Variants in PDE1C observed in about 807,000 individuals in gnomAD.
PDE1C encodes the protein phosphodiesterase 1C.
In PDE1C, 62 loss-of-function variants were observed where a neutral mutation model predicts 93.1. The observed-to-expected ratio is 0.67, with a 90% CI of 0.54 to 0.82. The LOEUF (loss-of-function observed/expected upper bound fraction) is 0.82. PDE1C is among the 40% of genes least tolerant of loss of function. PDE1C has a pLI of 0.00. For missense variants in PDE1C, 742 were observed against 884.6 expected, an observed-to-expected ratio of 0.84 and a Z score of 2.04; for synonymous variants, 325 against 310.1, an observed-to-expected ratio of 1.05 and a Z score of -0.50.
chr7:32,225,537 T>C (rs1807195479), intron 1 of PDE1C, among the ~76,000 whole-genome samples: 2 of 152,104 alleles, frequency 1.3e-5, no homozygotes, highest in Admixed American at 1.3e-4. Flanking sequence ...CTTGTAGGGG[T>C]TCTTGTGTTA....
chr7:31,914,838 T>C (rs1801677023), intron 2 of PDE1C, among the ~76,000 whole-genome samples: 1 of 152,160 alleles, frequency 6.6e-6, no homozygotes. Context: ...CCAGTTTAAT[T>C]ATGAAGGGCA....
intron 2 of PDE1C, among the ~76,000 whole-genome samples, chr7:31,912,532 A>C (rs530366351): frequency 6.6e-6 from 1 of 152,154 alleles, no homozygotes; most frequent in African/African-American, 2.4e-5. Context: ...GAAAAAATAC[A>C]AAAAATGAGC....
chr7:32,389,407 G>C (rs1339887309), intron 1 of PDE1C, among the ~76,000 whole-genome samples: 1 of 152,176 alleles, frequency 6.6e-6, no homozygotes, highest in African/African-American at 2.4e-5. Flanking sequence ...AGTAGAGACG[G>C]GGTTTCACCA....
chr7:32,136,243 T>C (rs564375045), intron 3 of PDE1C, among the ~76,000 whole-genome samples: 1 of 152,296 alleles, frequency 6.6e-6, no homozygotes, highest in African/African-American at 2.4e-5. Flanking sequence ...ACGGTAATCA[T>C]TGCACAGTGT....
chr7:32,406,029 T>G (rs1785044506), intron 1 of PDE1C, among the ~76,000 whole-genome samples: 1 of 152,132 alleles, frequency 6.6e-6, no homozygotes, highest in Admixed American at 6.5e-5. Flanking sequence ...CTTGGTAAAC[T>G]CAACAGCCCC....
At chr7:32,276,807 AC>A (rs1205941298) in intron 1 of PDE1C, among the ~76,000 whole-genome samples, 2 of 152,224 alleles carry the variant, frequency 1.3e-5, no homozygotes, top group Admixed American at 6.5e-5. Flanking sequence ...TACTATGATC[AC>A]TACTACCACC....
intron 1 of PDE1C, among the ~76,000 whole-genome samples, chr7:32,307,764 C>T (rs949400923): frequency 5.9e-5 from 9 of 152,264 alleles, no homozygotes; most frequent in Non-Finnish European, 1.0e-4. Context: ...CCAAGATGGC[C>T]GAATAGGAAC....
At chr7:31,925,004 A>G (rs1029103738) in intron 2 of PDE1C, among the ~76,000 whole-genome samples, 26 of 151,592 alleles carry the variant, frequency 1.7e-4, no homozygotes, top group Admixed American at 1.5e-3. Flanking sequence ...TAGAAAATGT[A>G]TTCCTATCCT....
At chr7:32,415,806 C>CTGA (rs1785265236) in intron 1 of PDE1C, among the ~76,000 whole-genome samples, 1 of 152,220 alleles carries the variant, frequency 6.6e-6, no homozygotes, top group South Asian at 2.1e-4. Context: ...AGCAACAACT[C>CTGA]TGGCTGGCTG....
chr7:31,996,913 T>C (rs752574289), intron 2 of PDE1C, among the ~76,000 whole-genome samples: 1 of 152,154 alleles, frequency 6.6e-6, no homozygotes, highest in African/African-American at 2.4e-5. Flanking sequence ...ATTACTGCAA[T>C]TGAGCACTCA....
chr7:32,014,776 T>TA (rs1411514915), intron 2 of PDE1C, among the ~76,000 whole-genome samples: 4 of 152,190 alleles, frequency 2.6e-5, no homozygotes, highest in Admixed American at 6.5e-5. Context: ...CATGTCTTTT[T>TA]AACGCTAATT....
intron 1 of PDE1C, among the ~76,000 whole-genome samples, chr7:32,419,136 G>T (rs544146691): frequency 6.6e-6 from 1 of 152,142 alleles, no homozygotes; most frequent in Non-Finnish European, 1.5e-5. Flanking sequence ...CAGGTTCAAG[G>T]AGTTTAAAGT....
chr7:31,739,632 A>G, the PDE1C span, among the ~76,000 whole-genome samples: 1 of 152,174 alleles, frequency 6.6e-6, no homozygotes, highest in African/African-American at 2.4e-5. Context: ...GCTACAGAAT[A>G]AGTTCAATAA....
intron 3 of PDE1C, among the ~76,000 whole-genome samples, chr7:32,115,276 A>G (rs535389674): frequency 1.3e-5 from 2 of 152,360 alleles, no homozygotes; most frequent in Non-Finnish European, 2.9e-5. Context: ...ACCACAGAAT[A>G]CTATGCAGCC....
At chr7:31,726,928 G>A in the PDE1C span, among the ~76,000 whole-genome samples, 21 of 152,220 alleles carry the variant, frequency 1.4e-4, no homozygotes, top group Middle Eastern at 3.4e-3. Context: ...CCAGCTATTC[G>A]GGAGGCCTGA....
intron 1 of PDE1C, among the ~76,000 whole-genome samples, chr7:32,364,031 C>G (rs1356024695): frequency 6.6e-6 from 1 of 152,068 alleles, no homozygotes; most frequent in East Asian, 1.9e-4. Flanking sequence ...TATTATATAG[C>G]TAATAAGTGA....
chr7:32,025,811 C>T (rs2128623747), intron 2 of PDE1C, among the ~76,000 whole-genome samples: 1 of 152,270 alleles, frequency 6.6e-6, no homozygotes, highest in South Asian at 2.1e-4. Context: ...AGTGTCCCTG[C>T]TCCACTTCTC....
chr7:32,321,482 G>A (rs1868772), intron 1 of PDE1C, among the ~76,000 whole-genome samples: 3,900 of 152,222 alleles, frequency 0.026, 88 homozygotes, highest in African/African-American at 0.058. Flanking sequence ...GGGTGGCTGT[G>A]GGAGTGTTAC....
intron 17 of PDE1C, among the ~76,000 whole-genome samples, chr7:31,769,748 A>G (rs1795361891): frequency 6.6e-6 from 1 of 152,156 alleles, no homozygotes; most frequent in Non-Finnish European, 1.5e-5. Context: ...CATATCCATG[A>G]GAAGTCACTC....
Sources: gnomAD v4.1 joint callset for allele counts (sites outside exome capture counted in the v4.1 genomes callset) on GRCh38, gnomAD v4.1.1 for gene constraint, MANE v1.5 for transcripts, NCBI Gene and HGNC (gene_info 2026-07-23, HGNC 2026-07-21) for gene names.